Variants in BCL2L14 observed in about 807,000 individuals in gnomAD.
BCL2L14 encodes BCL2 like 14.
In BCL2L14, 27 loss-of-function variants were observed where a neutral mutation model predicts 35.3. The ratio of observed to expected loss-of-function variants is 0.76; its 90% CI spans 0.56 to 1.05. BCL2L14 has a LOEUF of 1.05. Ranked by LOEUF, BCL2L14 falls within the 50% of genes least tolerant of loss-of-function variation. BCL2L14 has a pLI of 0.00. For missense variants in BCL2L14, 377 were observed against 382.6 expected, an observed-to-expected ratio of 0.99 and a Z score of 0.12; for synonymous variants, 139 against 145.9, an observed-to-expected ratio of 0.95 and a Z score of 0.34.
chr12:12,077,917 A>G, intron 1 of BCL2L14: 1 of 412,852 alleles, frequency 2.4e-6, no homozygotes, highest in Non-Finnish European at 4.9e-6. Context: ...AGCAGAAGGA[A>G]ACAGATTATT....
At chr12:12,075,890 C>T (rs974982061) in intron 1 of BCL2L14, among the ~76,000 whole-genome samples, 1 of 151,968 alleles carries the variant, frequency 6.6e-6, no homozygotes, top group East Asian at 1.9e-4. Flanking sequence ...TCTCTGTCCC[C>T]TGTATTTCCT....
intron 5 of BCL2L14, 123 bp from the exon 6 acceptor site, chr12:12,098,827 C>G (rs1797646): frequency 0.27 from 204,198 of 744,438 alleles, 28,818 homozygotes; most frequent in East Asian, 0.37. Context: ...AACCCTCCCC[C>G]AAACTAACAT....
intron 5 of BCL2L14, chr12:12,095,639 G>A (rs1181074185): frequency 2.0e-6 from 2 of 985,176 alleles, no homozygotes; most frequent in Non-Finnish European, 2.4e-6. Context: ...TTCCTAGGCG[G>A]ACAGACCTTC....
intron 5 of BCL2L14, chr12:12,095,729 C>G: frequency 1.0e-6 from 1 of 985,388 alleles, no homozygotes; most frequent in African/African-American, 1.7e-5. Flanking sequence ...CTAGGCATGG[C>G]TGGAGTGACC....
intron 2 of BCL2L14, among the ~76,000 whole-genome samples, chr12:12,081,361 G>A (rs1948919860): frequency 6.6e-6 from 1 of 151,570 alleles, no homozygotes; most frequent in African/African-American, 2.4e-5. Context: ...AGGCTGAGGT[G>A]GAAGGATCAC....
intron 2 of BCL2L14, among the ~76,000 whole-genome samples, chr12:12,057,843 G>C (rs997503886): frequency 6.8e-6 from 1 of 148,148 alleles, no homozygotes; most frequent in Non-Finnish European, 1.5e-5. Flanking sequence ...AGTGGTTAGC[G>C]TCATGGGCCT....
intron 3 of BCL2L14, among the ~76,000 whole-genome samples, chr12:12,087,780 T>G (rs1163819295): frequency 6.6e-6 from 1 of 152,210 alleles, no homozygotes; most frequent in Non-Finnish European, 1.5e-5. Flanking sequence ...TAACATTGCT[T>G]TAGGGCTTTG....
intron 2 of BCL2L14, among the ~76,000 whole-genome samples, chr12:12,065,220 A>T (rs1369323938): frequency 1.3e-5 from 2 of 152,214 alleles, no homozygotes; most frequent in South Asian, 2.1e-4. Flanking sequence ...CTTTTAAAAA[A>T]ATATAAATTT....
chr12:12,058,445 T>A (rs763378938), intron 2 of BCL2L14, among the ~76,000 whole-genome samples: 8 of 152,106 alleles, frequency 5.3e-5, no homozygotes, highest in Non-Finnish European at 8.8e-5. Context: ...AGACGGGGTT[T>A]CAGACGGGGT....
At chr12:12,057,466 A>G (rs1948449486) in intron 2 of BCL2L14, among the ~76,000 whole-genome samples, 1 of 152,176 alleles carries the variant, frequency 6.6e-6, no homozygotes, top group Non-Finnish European at 1.5e-5. Context: ...TCCAGAAAAG[A>G]GGTGAAGAGA....
At chr12:12,070,299 G>A (rs1948648798), upstream of BCL2L14, among the ~76,000 whole-genome samples, 1 of 152,218 alleles carries the variant, frequency 6.6e-6, no homozygotes, top group Non-Finnish European at 1.5e-5. Flanking sequence ...TCAACTGATA[G>A]GGATCCGTAG....
intron 2 of BCL2L14, among the ~76,000 whole-genome samples, chr12:12,080,307 C>A (rs564850209): frequency 6.6e-6 from 1 of 151,724 alleles, no homozygotes; most frequent in African/African-American, 2.4e-5. Flanking sequence ...AATTCCTAGT[C>A]CTCTGTACCA....
At chr12:12,096,387 A>G (rs1359624525) in intron 5 of BCL2L14, among the ~76,000 whole-genome samples, 2 of 148,822 alleles carry the variant, frequency 1.3e-5, no homozygotes, top group East Asian at 2.0e-4. Context: ...GAATAGATAC[A>G]TTGGATTTTG....
intron 4 of BCL2L14, chr12:12,094,461 G>A: frequency 6.9e-7 from 1 of 1,444,788 alleles, no homozygotes. Flanking sequence ...ATGTATTTGT[G>A]CTGATGAAAT....
chr12:12,084,564 C>T (rs1254854432), intron 2 of BCL2L14, among the ~76,000 whole-genome samples: 1 of 152,112 alleles, frequency 6.6e-6, no homozygotes, highest in Non-Finnish European at 1.5e-5. Flanking sequence ...CACGATGACC[C>T]CCAAAACAGA....
At chr12:12,086,746 G>A (rs1049046772) in intron 2 of BCL2L14, among the ~76,000 whole-genome samples, 2 of 152,158 alleles carry the variant, frequency 1.3e-5, no homozygotes, top group South Asian at 4.1e-4. Flanking sequence ...CTGAGAGCAG[G>A]GATATTTCTT....
At chr12:12,081,705 C>T (rs1164356330) in intron 2 of BCL2L14, among the ~76,000 whole-genome samples, 1 of 151,962 alleles carries the variant, frequency 6.6e-6, no homozygotes, top group Non-Finnish European at 1.5e-5. Context: ...ATCACAGGCG[C>T]GCACCACCAG....
At position 12,099,040 on chromosome 12, in the gene BCL2L14, C is replaced by A. The variant is rs777129256; in HGVS notation, c.*52C>A. The A allele has an allele frequency of 2.9e-6, 4 of 1,389,592 alleles. No individual in the cohort carries two copies. Among genetic ancestry groups the A allele is most frequent in the Non-Finnish European group, 4.1e-6 (4 of 976,082 alleles). The allele number at this position is 1,389,592 out of a possible 1,614,324, so 86.1% of individuals were successfully genotyped here. On this transcript the variant is annotated 3_prime_UTR_variant, in exon 6 of 6. Transcript: ENST00000308721. Reference sequence around the variant, plus strand: ...TCTTTGTCTACTGTGGTCCTGTGCACGTTGGCCTCAGATGGACTACAGGAG... The same window carrying A: ...TCTTTGTCTACTGTGGTCCTGTGCAAGTTGGCCTCAGATGGACTACAGGAG...
chr12:12,081,537 T>G (rs1948924041), intron 2 of BCL2L14, among the ~76,000 whole-genome samples: 1 of 147,886 alleles, frequency 6.8e-6, no homozygotes, highest in African/African-American at 2.5e-5. Flanking sequence ...CAAAGCCCAG[T>G]GCCCAAAGCC....
Sources: gnomAD v4.1 joint callset for allele counts (sites outside exome capture counted in the v4.1 genomes callset) on GRCh38, gnomAD v4.1.1 for gene constraint, MANE v1.5 for transcripts, NCBI Gene and HGNC (gene_info 2026-07-23, HGNC 2026-07-21) for gene names.